The following ABCC8 variants were observed in gnomAD, a reference collection of about 807,000 sequenced individuals.
ABCC8 encodes ATP binding cassette subfamily C member 8, also known as ATP-binding cassette sub-family C member 8.
Under a neutral mutation model 188.0 loss-of-function variants are expected in ABCC8, and 137 were observed. The observed-to-expected ratio is 0.73, with a 90% confidence interval of 0.63 to 0.84. The LOEUF is 0.84. Ranked by LOEUF, ABCC8 falls within the 40% of genes least tolerant of loss-of-function variation. The probability of loss-of-function intolerance (pLI) is 0.00; values close to 1 mark genes in which losing one functional copy is unlikely to be tolerated. For synonymous variants in ABCC8, 797 were observed against 846.5 expected, an observed-to-expected ratio of 0.94 and a Z score of 1.01; for missense variants, 1,750 against 2,072.7, an observed-to-expected ratio of 0.84 and a Z score of 3.02.
intron 21 of ABCC8, among the ~76,000 whole-genome samples, chr11:17,411,187 C>G (rs1954788626): frequency 6.6e-6 from 1 of 152,238 alleles, no homozygotes; most frequent in Admixed American, 6.5e-5. Context: ...CTTCCTTCCT[C>G]CCTATTCCCG....
chr11:17,423,356 CAAAA>C (rs58524307), intron 16 of ABCC8, among the ~76,000 whole-genome samples: 1 of 63,344 alleles, frequency 1.6e-5, no homozygotes, highest in Non-Finnish European at 2.7e-5. Flanking sequence ...GACTCCGTCT[CAAAA>C]AAAAAAAAAA....
At chr11:17,455,275 C>T (rs983101314) in intron 6 of ABCC8, among the ~76,000 whole-genome samples, 8 of 152,146 alleles carry the variant, frequency 5.3e-5, no homozygotes, top group African/African-American at 1.9e-4. Context: ...TGGAATGCCA[C>T]ACACACGCTG....
chr11:17,429,655 G>GCAA (rs1222072752), intron 12 of ABCC8: 1 of 152,244 alleles, frequency 6.6e-6, no homozygotes, highest in Non-Finnish European at 1.5e-5. Context: ...TGGGATCAGT[G>GCAA]CAACAGTTTT....
intron 28 of ABCC8, among the ~76,000 whole-genome samples, chr11:17,403,906 C>T (rs749892085): frequency 6.6e-6 from 1 of 152,178 alleles, no homozygotes; most frequent in Admixed American, 6.5e-5. Context: ...TTTTTTCCTA[C>T]AATTTTTTGA....
At chr11:17,470,418 T>G (rs1325541546) in intron 2 of ABCC8, 196 bp from the exon 3 acceptor site, 2 of 400,094 alleles carry the variant, frequency 5.0e-6, no homozygotes, top group Non-Finnish European at 6.8e-6. Flanking sequence ...GAGCTGGGTA[T>G]ATGATCTGGA....
intron 29 of ABCC8, 38 bp from the exon 30 acceptor site, chr11:17,398,479 T>C (rs1178861476): frequency 6.2e-7 from 1 of 1,612,682 alleles, no homozygotes; most frequent in Non-Finnish European, 8.5e-7. Flanking sequence ...GGAACAGTGT[T>C]GGTCCACATA....
intron 6 of ABCC8, among the ~76,000 whole-genome samples, chr11:17,455,937 C>CAAAAA (rs796687753): frequency 4.8e-5 from 3 of 62,766 alleles, no homozygotes; most frequent in South Asian, 6.2e-4. Flanking sequence ...AGGCTCCATC[C>CAAAAA]AAAAAAAAAA....
rs587783169 is a variant in ABCC8, at chr11:17,404,559, CA to C, written c.3509del (p.Leu1170ArgfsTer38). 2.6e-5 allele frequency: 42 copies of C among 1,614,060 alleles called. No individual in the cohort carries two copies. The highest frequency in any genetic ancestry group is 3.4e-5 in the Non-Finnish European group (40 of 1,180,002). The stretch of plus-strand genomic sequence containing the variant: ...TCTGGATGAAGTAGCACACGATGGC[CA>C]GGGGCAAGAGGGCCACGAGGAACAC... Reference protein sequence around the residue: ...TPVFLVALLPLAIVCYFIQKY... With the variant: ...TPVFLVALLPXAIVCYFIQKY... On this transcript the variant is annotated frameshift_variant, in exon 28 of 39. Coordinates refer to ENST00000389817, the MANE Select transcript of ABCC8 (RefSeq NM_000352.6). LOFTEE classifies it high-confidence loss of function. The surrounding 1 kb of genome is among the most constrained non-coding windows in gnomAD (Gnocchi z 4.7).
At chr11:17,426,258 C>A (rs890818557) in intron 16 of ABCC8, among the ~76,000 whole-genome samples, 19 of 152,136 alleles carry the variant, frequency 1.2e-4, no homozygotes, top group African/African-American at 4.3e-4. Context: ...GAGGAATCAC[C>A]GCACTGTCTT....
rs886292 is a variant in ABCC8 at position 17,444,498 on chromosome 11, A to C, written c.1333-1186T>G. The C allele has an allele frequency of 0.41, 61,730 of 152,066 alleles. 13,548 individuals carry two copies. The highest frequency in any genetic ancestry group is 0.58 in the African/African-American group (23,935 of 41,406). 9.4% of individuals were successfully genotyped at this position (152,066 alleles called of 1,614,324 possible). ...CACACCACCTCCAAGAGACTGGCAG[A>C]GGCTGGGGTGGGAGCTGGTGCTGCA... On this transcript the variant is annotated intron_variant, in intron 8 of 38. Transcript: ENST00000389817.
At chr11:17,413,580 G>A in intron 19 of ABCC8, 102 bp from the exon 20 acceptor site, 2 of 1,609,642 alleles carry the variant, frequency 1.2e-6, no homozygotes, top group Non-Finnish European at 8.5e-7. Context: ...TGCCCAGGGT[G>A]AGCAATGGCT....
At chr11:17,447,265 C>A (rs1413182798) in intron 8 of ABCC8, among the ~76,000 whole-genome samples, 2 of 152,196 alleles carry the variant, frequency 1.3e-5, no homozygotes, top group African/African-American at 4.8e-5. Context: ...CAGGATCAGA[C>A]TCTGTGGTGG....
In ABCC8 at chr11:17,445,678, T is replaced by C. The variant is rs77490784; in HGVS notation, c.1333-2366A>G. Among the ~76,000 whole-genome samples the C allele has an allele frequency of 8.3e-3, 1,262 of 152,342 alleles. 16 individuals carry two copies. The highest frequency in any genetic ancestry group is 0.028 in the African/African-American group (1,160 of 41,572). On this transcript the variant is annotated intron_variant, in intron 8 of 38. Coordinates refer to ENST00000389817, the MANE Select transcript of ABCC8 (RefSeq NM_000352.6). ...TATTAACTCCCAGGAGTAACACTGG[T>C]TCTTGAGTGCTGGTCAAATCTATAA...
At chr11:17,414,178 A>G (rs996270997) in intron 19 of ABCC8, among the ~76,000 whole-genome samples, 5 of 152,184 alleles carry the variant, frequency 3.3e-5, no homozygotes, top group African/African-American at 1.2e-4. Flanking sequence ...AGCCCTAACT[A>G]TTATCATTGG....
chr11:17,473,583 TCTC>T (rs1257622324), intron 2 of ABCC8, among the ~76,000 whole-genome samples: 24 of 151,990 alleles, frequency 1.6e-4, no homozygotes, highest in Admixed American at 3.9e-4. Context: ...CAAATATCCC[TCTC>T]CTCCACCACT....
intron 10 of ABCC8, among the ~76,000 whole-genome samples, chr11:17,436,911 A>G (rs1356264060): frequency 1.3e-5 from 2 of 152,080 alleles, no homozygotes; most frequent in Non-Finnish European, 2.9e-5. Context: ...CAACATGGTG[A>G]AACCCCATCT....
At chr11:17,436,121 G>A (rs1190425661) in intron 10 of ABCC8, 8 of 795,858 alleles carry the variant, frequency 1.0e-5, no homozygotes, top group Non-Finnish European at 6.8e-6. Flanking sequence ...GTACAGAGCT[G>A]AGGGCTAAAG....
At chr11:17,430,289 C>G (rs1396702371) in intron 12 of ABCC8, 1 of 192,844 alleles carries the variant, frequency 5.2e-6, no homozygotes, top group Non-Finnish European at 1.1e-5. Context: ...AAGTGGGAGC[C>G]TCCAAGAGCT....
chr11:17,406,877 G>T lies in ABCC8; in HGVS notation c.3162+11C>A, dbSNP rs190395695. On this transcript the variant is annotated intron_variant, in intron 25 of 38. Coordinates refer to ENST00000389817, the MANE Select transcript of ABCC8 (RefSeq NM_000352.6). ...CCACTCCCAACCTCTGCCATGGGCC[G>T]CCAGTCACACCTGGCTGAGGGAGCA... 1.9e-6 allele frequency: 3 copies of T among 1,613,940 alleles called. No individual in the cohort carries two copies. Among genetic ancestry groups the T allele is most frequent in the East Asian group, 2.2e-5 (1 of 44,884 alleles).
Sources: gnomAD v4.1 joint callset for allele counts (sites outside exome capture counted in the v4.1 genomes callset) on GRCh38, gnomAD v4.1.1 for gene constraint, Gnocchi (gnomAD v3.1) non-coding constraint, MANE v1.5 for transcripts, NCBI Gene and HGNC (gene_info 2026-07-23, HGNC 2026-07-21) for gene names.